The following NDUFAF7 variants were observed in gnomAD, a reference collection of about 807,000 sequenced individuals.
NDUFAF7 encodes protein arginine methyltransferase NDUFAF7, mitochondrial.
Under a neutral mutation model 47.2 loss-of-function variants are expected in NDUFAF7, and 48 were observed. The ratio of observed to expected loss-of-function variants is 1.02; its 90% CI spans 0.81 to 1.29. The LOEUF is 1.29. Among genes scored for constraint, NDUFAF7 ranks in the 50% most tolerant of loss-of-function variants. NDUFAF7 has a pLI of 0.00. For synonymous variants in NDUFAF7, 217 were observed against 190.0 expected, an observed-to-expected ratio of 1.14 and a Z score of -1.17; for missense variants, 635 against 537.6, an observed-to-expected ratio of 1.18 and a Z score of -1.79.
At chr2:37,251,735 G>A (rs536292469), downstream of NDUFAF7, 3 of 152,056 alleles carry the variant, frequency 2.0e-5, no homozygotes, top group Non-Finnish European at 2.9e-5. Context: ...GTGACAAAGG[G>A]AGAGGCAAGA....
Position 37,232,194 on chromosome 2 carries a change from G to A in NDUFAF7, c.144G>A (p.Met48Ile), listed in dbSNP as rs546758751. The change falls in exon 2 of 10, where the codon ATG becomes ATA. Residue 48 changes from methionine (M) to isoleucine (I), a missense_variant. By Grantham distance (10) the Met-to-Ile change is conservative. Transcript: ENST00000002125. The part of the protein sequence containing the change: ...NPVTPMLRHL[M>I]YKIKSTGPIT... ...TGACGCCGATGCTGCGGCATCTTAT[G>A]TACAAAATAAAGTCTACTGGTCCCA... The A allele has an allele frequency of 1.2e-6, 2 of 1,614,156 alleles. No individual in the cohort carries two copies. The highest frequency in any genetic ancestry group is 3.3e-5 in the Admixed American group (2 of 60,028).
At chr2:37,260,075 G>A in the NDUFAF7 span, 4 of 695,112 alleles carry the variant, frequency 5.8e-6, no homozygotes, top group East Asian at 8.4e-5. Context: ...TGAGGCATGA[G>A]AATCACTTGA....
At position 37,248,134 on chromosome 2, in the gene NDUFAF7, G is replaced by C; in HGVS notation, c.1111-1G>C. The C allele has an allele frequency of 6.2e-7, 1 of 1,611,778 alleles. No individual in the cohort carries two copies. The highest frequency in any genetic ancestry group is 1.1e-5 in the South Asian group (1 of 90,946). ...TTTGCTAAGAATTTTTTTCTTTTCA[G>C]GTTCTTTTAGATAAATCAAATGAGC... On this transcript the variant is annotated splice_acceptor_variant, in intron 9 of 9. Coordinates refer to ENST00000002125, the MANE Select transcript of NDUFAF7 (RefSeq NM_144736.5). LOFTEE classifies it high-confidence loss of function.
At chr2:37,246,945 T>G (rs1666985357) in intron 8 of NDUFAF7, among the ~76,000 whole-genome samples, 1 of 152,132 alleles carries the variant, frequency 6.6e-6, no homozygotes, top group South Asian at 2.1e-4. Flanking sequence ...ATTTGTTACA[T>G]GGGTATATTG....
chr2:37,236,250 G>GAACACTACTACAGAA, intron 3 of NDUFAF7, 74 bp downstream of exon 3: 2 of 1,285,574 alleles, frequency 1.6e-6, no homozygotes, highest in Non-Finnish European at 2.3e-6. Flanking sequence ...TTATTCTGTA[G>GAACACTACTACAGAA]TAGTGTTCTA....
chr2:37,268,781 C>T, the NDUFAF7 span: 1 of 154,644 alleles, frequency 6.5e-6, no homozygotes, highest in Non-Finnish European at 1.4e-5. Flanking sequence ...AAAGAGGAAG[C>T]TGCAATTAGA....
chr2:37,247,510 C>A lies in NDUFAF7; in HGVS notation c.991C>A (p.Leu331Ile), dbSNP rs757121673. The A allele has an allele frequency of 6.2e-7, 1 of 1,614,052 alleles. No individual in the cohort carries two copies. The highest frequency in any genetic ancestry group is 1.1e-5 in the South Asian group (1 of 91,072). Residue 331 changes from leucine to isoleucine, a missense_variant, in exon 9 of 10, where the codon CTA becomes ATA. Leu to Ile is a conservative substitution (Grantham distance 5). Transcript: ENST00000002125. ...CTTAATTGCCCCAGGAACAGCAGAT[C>A]TAACAGCTGATGTGGACTTCAGTTA... is the stretch of plus-strand genomic sequence containing the variant. ...DVLIAPGTAD[L>I]TADVDFSYLR...
chr2:37,253,235 A>G (rs1237906651), downstream of NDUFAF7: 1 of 1,612,766 alleles, frequency 6.2e-7, no homozygotes. Context: ...CTTTGGGTAT[A>G]CAAGGTTATG....
the NDUFAF7 span, among the ~76,000 whole-genome samples, chr2:37,263,261 CTT>C: frequency 8.5e-5 from 13 of 152,110 alleles, no homozygotes; most frequent in African/African-American, 3.1e-4. Flanking sequence ...TGATTTCGCT[CTT>C]TGATTCAAAA....
chr2:37,256,886 T>A, downstream of NDUFAF7: 2 of 1,614,052 alleles, frequency 1.2e-6, no homozygotes, highest in Non-Finnish European at 1.7e-6. Flanking sequence ...CCTGAATGAC[T>A]TTTCACCAAT....
intron 4 of NDUFAF7, among the ~76,000 whole-genome samples, chr2:37,239,495 T>G (rs1352999855): frequency 1.3e-5 from 2 of 152,124 alleles, no homozygotes; most frequent in South Asian, 2.1e-4. Context: ...ACCCAGCAAT[T>G]TTACTGCTAG....
chr2:37,238,497 T>G (rs1215474991), intron 4 of NDUFAF7, among the ~76,000 whole-genome samples: 1 of 151,238 alleles, frequency 6.6e-6, no homozygotes, highest in Admixed American at 6.6e-5. Context: ...ATGCCTGTAA[T>G]CGTAGCACTT....
downstream of NDUFAF7, among the ~76,000 whole-genome samples, chr2:37,256,446 T>TA (rs1283226074): frequency 6.6e-6 from 1 of 152,130 alleles, no homozygotes; most frequent in Non-Finnish European, 1.5e-5. Flanking sequence ...GGGGCCTATG[T>TA]AAGTGCTATG....
intron 4 of NDUFAF7, among the ~76,000 whole-genome samples, chr2:37,238,343 G>A (rs575824588): frequency 3.3e-5 from 5 of 152,036 alleles, no homozygotes; most frequent in Non-Finnish European, 5.9e-5. Flanking sequence ...GCAGGGAATC[G>A]CTTGAACCCA....
chr2:37,270,462 C>T, the NDUFAF7 span, among the ~76,000 whole-genome samples: 2 of 151,570 alleles, frequency 1.3e-5, no homozygotes, highest in Non-Finnish European at 2.9e-5. Flanking sequence ...ATCCATTCCT[C>T]TATCTTTCCT....
At chr2:37,256,882 T>C, downstream of NDUFAF7, 2 of 1,614,096 alleles carry the variant, frequency 1.2e-6, no homozygotes, top group Non-Finnish European at 1.7e-6. Context: ...ATCTCCTGAA[T>C]GACTTTTCAC....
At chr2:37,241,919 G>A in intron 5 of NDUFAF7, 128 bp downstream of exon 5, 1 of 767,780 alleles carries the variant, frequency 1.3e-6, no homozygotes, top group Non-Finnish European at 2.0e-6. Flanking sequence ...TCCATAGAGA[G>A]TAGCCTACTT....
In NDUFAF7 at chr2:37,246,156, T is replaced by C; in HGVS notation, c.897T>C (p.Ala299=). The C allele has an allele frequency of 6.2e-7, 1 of 1,613,952 alleles. No homozygotes were observed. Among genetic ancestry groups the C allele is most frequent in the Non-Finnish European group, 8.5e-7 (1 of 1,179,856 alleles). The stretch of plus-strand genomic sequence containing the variant: ...TAACTGGAGGTGCTGCACTGGTTGC[T>C]GATTATGGTCATGATGGAACAAAGA... ...IALTGGAALV[A]DYGHDGTKTD... is the part of the protein sequence containing the mutation. The change falls in exon 8 of 10, where the codon GCT becomes GCC. Residue 299 remains alanine (A), a synonymous_variant. Coordinates refer to ENST00000002125, the MANE Select transcript of NDUFAF7 (RefSeq NM_144736.5).
chr2:37,266,692 T>C, the NDUFAF7 span, among the ~76,000 whole-genome samples: 1 of 152,260 alleles, frequency 6.6e-6, no homozygotes, highest in Admixed American at 6.5e-5. Flanking sequence ...CTCACCATGT[T>C]AGTCAGGCTG....
Sources: gnomAD v4.1 joint callset for allele counts (sites outside exome capture counted in the v4.1 genomes callset) on GRCh38, gnomAD v4.1.1 for gene constraint, MANE v1.5 for transcripts, NCBI Gene and HGNC (gene_info 2026-07-23, HGNC 2026-07-21) for gene names.